Variants in SLC9C1 observed in about 807,000 individuals in gnomAD.
SLC9C1 encodes sodium/hydrogen exchanger 10.
SLC9C1 carries 97 observed loss-of-function variants against 140.9 expected under a neutral mutation model. The ratio of observed to expected loss-of-function variants is 0.69; its 90% CI spans 0.58 to 0.82. The LOEUF is 0.82. SLC9C1 is among the 40% of genes least tolerant of loss of function. The probability of loss-of-function intolerance (pLI) is 0.00; values close to 1 mark genes in which losing one functional copy is unlikely to be tolerated. For synonymous variants in SLC9C1, 440 were observed against 442.6 expected, an observed-to-expected ratio of 0.99 and a Z score of 0.07; for missense variants, 1,340 against 1,389.3, an observed-to-expected ratio of 0.96 and a Z score of 0.56.
chr3:112,231,374 A>C lies in SLC9C1; in HGVS notation c.1559T>G (p.Leu520Trp). 3 of 1,613,408 alleles carry C rather than the reference A, an allele frequency of 1.9e-6. No individual in the cohort carries two copies. Among genetic ancestry groups the C allele is most frequent in the East Asian group, 4.5e-5 (2 of 44,840 alleles). The change falls in exon 13 of 29, where the codon TTG becomes TGG. Residue 520 changes from leucine to tryptophan, a missense_variant. By Grantham distance (61) the Leu-to-Trp change is moderately conservative. Coordinates refer to ENST00000305815, the MANE Select transcript of SLC9C1 (RefSeq NM_183061.3). The stretch of plus-strand genomic sequence containing the variant: ...ATAATACAGTACTATTTGTGCTGAC[A>C]AGAGACGCCTGTTGGCCAGCTCCAT... ...EAMELANRRLLSAQIASYQRQ... is the reference protein window; with the variant it reads ...EAMELANRRLWSAQIASYQRQ...
intron 23 of SLC9C1, 123 bp from the exon 24 acceptor site, chr3:112,169,451 C>G: frequency 1.1e-6 from 1 of 899,672 alleles, no homozygotes; most frequent in Non-Finnish European, 1.6e-6. Flanking sequence ...CACATAATAG[C>G]ATGGAAACTT....
rs200642998 is a variant in SLC9C1 at position 112,204,300 on chromosome 3, G to A, written c.2090C>T (p.Thr697Ile). The A allele has an allele frequency of 2.6e-6, 4 of 1,561,066 alleles. No homozygotes were observed. The highest frequency in any genetic ancestry group is 2.8e-5 in the African/African-American group (2 of 71,728). Residue 697 changes from threonine to isoleucine, a missense_variant, in exon 17 of 29, where the codon ACC becomes ATC. Thr to Ile is a moderately conservative substitution (Grantham distance 89). Coordinates refer to ENST00000305815, the MANE Select transcript of SLC9C1 (RefSeq NM_183061.3). Reference protein sequence around the residue: ...ILHVILIEIDTIKYIFNETEV... With the variant: ...ILHVILIEIDIIKYIFNETEV... ...AGTCTCATTAAAAATATACTTAATG[G>A]TGTCTATTTCAATAAGTATTACATG... is the stretch of plus-strand genomic sequence containing the variant.
intron 15 of SLC9C1, among the ~76,000 whole-genome samples, chr3:112,213,385 TG>T (rs2078262861): frequency 6.6e-6 from 1 of 152,150 alleles, no homozygotes; most frequent in Non-Finnish European, 1.5e-5. Flanking sequence ...ATGGGCTAAA[TG>T]CTCCAATTAA....
rs567455068 is a variant in SLC9C1 at position 112,248,110 on chromosome 3, T to C, written c.1198-4034A>G. ...ATTCTGAGAGAAGCCAGCTACCATA[T>C]TGCAAGCTGACCTATGGAGAGGTCC... On this transcript the variant is annotated intron_variant, in intron 10 of 28. Transcript: ENST00000305815. Among the ~76,000 whole-genome samples, 4 of 152,272 alleles carry C rather than the reference T, an allele frequency of 2.6e-5. No individual in the cohort carries two copies. The South Asian group carries it at 6.2e-4, about 24-fold the overall frequency.
intron 13 of SLC9C1, among the ~76,000 whole-genome samples, chr3:112,227,735 T>TAACA (rs746023264): frequency 9.9e-5 from 15 of 152,190 alleles, no homozygotes; most frequent in Non-Finnish European, 1.9e-4. Context: ...GATACAATAT[T>TAACA]AACAAACAAA....
chr3:112,205,193 C>G (rs138301395), intron 16 of SLC9C1, among the ~76,000 whole-genome samples: 1 of 151,982 alleles, frequency 6.6e-6, no homozygotes, highest in Non-Finnish European at 1.5e-5. Flanking sequence ...TCATAAGCAA[C>G]TTCAGCAAAG....
At chr3:112,271,520 G>T (rs2080078209) in intron 6 of SLC9C1, among the ~76,000 whole-genome samples, 1 of 151,548 alleles carries the variant, frequency 6.6e-6, no homozygotes, top group African/African-American at 2.4e-5. Context: ...ATATTTTCTT[G>T]TTTCTGTGTT....
intron 10 of SLC9C1, among the ~76,000 whole-genome samples, chr3:112,260,783 A>G (rs2079751146): frequency 6.6e-6 from 1 of 152,166 alleles, no homozygotes; most frequent in Admixed American, 6.6e-5. Flanking sequence ...AGTATCTGCC[A>G]GAGCTGTGTG....
intron 20 of SLC9C1, among the ~76,000 whole-genome samples, chr3:112,182,708 TAAC>T (rs1347341216): frequency 6.6e-6 from 1 of 152,202 alleles, no homozygotes; most frequent in Non-Finnish European, 1.5e-5. Context: ...AACATCTGTG[TAAC>T]AACACCTAGA....
intron 15 of SLC9C1, 52 bp from the exon 16 acceptor site, chr3:112,208,425 T>G: frequency 8.0e-7 from 1 of 1,248,740 alleles, no homozygotes; most frequent in Non-Finnish European, 1.1e-6. Context: ...ATTAAATGAT[T>G]TTCATATATA....
At chr3:112,164,980 C>G (rs1460924451) in intron 26 of SLC9C1, among the ~76,000 whole-genome samples, 1 of 152,110 alleles carries the variant, frequency 6.6e-6, no homozygotes, top group Non-Finnish European at 1.5e-5. Flanking sequence ...TCTTTTTATT[C>G]TTTTTTCTCT....
chr3:112,289,403 G>C (rs2080612454), intron 1 of SLC9C1, among the ~76,000 whole-genome samples: 1 of 152,190 alleles, frequency 6.6e-6, no homozygotes, highest in African/African-American at 2.4e-5. Context: ...ACAATTCCGT[G>C]ATTGAGTATT....
chr3:112,147,892 G>A (rs2074851731), intron 28 of SLC9C1, among the ~76,000 whole-genome samples: 1 of 151,964 alleles, frequency 6.6e-6, no homozygotes, highest in South Asian at 2.1e-4. Flanking sequence ...CCTTCTCTAG[G>A]GAATGCCAAT....
chr3:112,210,453 G>A (rs1367682188), intron 15 of SLC9C1, among the ~76,000 whole-genome samples: 2 of 152,310 alleles, frequency 1.3e-5, no homozygotes, highest in South Asian at 4.1e-4. Flanking sequence ...AGGCTACATA[G>A]TGATGATTTC....
chr3:112,196,853 C>A (rs1177133356), intron 20 of SLC9C1, among the ~76,000 whole-genome samples: 3 of 151,766 alleles, frequency 2.0e-5, no homozygotes, highest in East Asian at 1.9e-4. Context: ...GTTTTAAAGT[C>A]TTTGTCTGGT....
chr3:112,167,137 C>A, intron 26 of SLC9C1, 84 bp downstream of exon 26: 1 of 1,483,848 alleles, frequency 6.7e-7, no homozygotes, highest in Non-Finnish European at 9.2e-7. Context: ...AGGCAGAATG[C>A]AAACAACAGT....
chr3:112,239,627 T>C (rs535473471), intron 12 of SLC9C1, among the ~76,000 whole-genome samples: 3 of 152,286 alleles, frequency 2.0e-5, no homozygotes, highest in South Asian at 2.1e-4. Flanking sequence ...TTTAAACATA[T>C]ATATTCAAAG....
intron 8 of SLC9C1, among the ~76,000 whole-genome samples, chr3:112,265,024 A>C (rs7614211): frequency 0.3 from 44,798 of 151,800 alleles, 6,784 homozygotes; most frequent in East Asian, 0.36. Context: ...AATCTTCACA[A>C]AATGGAGAAT....
At chr3:112,293,485 A>G (rs2080749964) in intron 1 of SLC9C1, among the ~76,000 whole-genome samples, 1 of 152,146 alleles carries the variant, frequency 6.6e-6, no homozygotes, top group African/African-American at 2.4e-5. Context: ...TCAGATTGGA[A>G]CGTTTTGCAA....
Sources: gnomAD v4.1 joint callset for allele counts (sites outside exome capture counted in the v4.1 genomes callset) on GRCh38, gnomAD v4.1.1 for gene constraint, MANE v1.5 for transcripts, NCBI Gene and HGNC (gene_info 2026-07-23, HGNC 2026-07-21) for gene names.